CSNK1G3: variants seen among roughly 807,000 people sequenced by gnomAD.
CSNK1G3 encodes casein kinase 1 gamma 3.
CSNK1G3 carries 23 observed loss-of-function variants against 64.3 expected under a neutral mutation model. The observed-to-expected ratio is 0.36, with a 90% CI of 0.26 to 0.51. The LOEUF (loss-of-function observed/expected upper bound fraction) is 0.51, where lower values mean the gene tolerates loss of function less well. Ranked by LOEUF, CSNK1G3 falls within the 20% of genes least tolerant of loss-of-function variation. CSNK1G3 has a pLI of 0.96. For missense variants in CSNK1G3, 357 were observed against 510.5 expected, an observed-to-expected ratio of 0.70 and a Z score of 2.90; for synonymous variants, 158 against 162.2, an observed-to-expected ratio of 0.97 and a Z score of 0.20.
chr5:123,583,366 T>G (rs1359043861), intron 6 of CSNK1G3, among the ~76,000 whole-genome samples: 10 of 151,920 alleles, frequency 6.6e-5, no homozygotes, highest in African/African-American at 1.2e-4. Context: ...CCAGTTTTTT[T>G]TTTTTTTTTT....
At chr5:123,582,721 A>G (rs1790532945) in intron 6 of CSNK1G3, among the ~76,000 whole-genome samples, 1 of 152,140 alleles carries the variant, frequency 6.6e-6, no homozygotes, top group Non-Finnish European at 1.5e-5. Context: ...AAGTGCTTTA[A>G]AAAATGTGAA....
intron 5 of CSNK1G3, 152 bp downstream of exon 5, chr5:123,573,693 C>A: frequency 1.7e-6 from 1 of 593,722 alleles, no homozygotes; most frequent in Non-Finnish European, 2.7e-6. Flanking sequence ...TTTCTGGGAT[C>A]CATGTAACTT....
At chr5:123,558,043 G>C (rs917890936) in intron 4 of CSNK1G3, among the ~76,000 whole-genome samples, 5 of 152,156 alleles carry the variant, frequency 3.3e-5, no homozygotes, top group African/African-American at 9.7e-5. Flanking sequence ...TACACACACA[G>C]AAAAGGAGTA....
rs1462097781 is a variant in CSNK1G3 at position 123,597,899 on chromosome 5, G to A, written c.1086+6485G>A. On this transcript the variant is annotated intron_variant, in intron 10 of 12. Transcript: ENST00000345990. The stretch of plus-strand genomic sequence containing the variant: ...TAGCATAGATGTTGAGGCTTAGGAA[G>A]TGTTAGATAAGTAGAATCTATTGTT... Among the ~76,000 whole-genome samples the A allele has an allele frequency of 5.9e-5, 9 of 152,190 alleles. 1 individual carries two copies.
chr5:123,537,523 T>C (rs1362085014), intron 1 of CSNK1G3, among the ~76,000 whole-genome samples: 1 of 152,136 alleles, frequency 6.6e-6, no homozygotes, highest in Non-Finnish European at 1.5e-5. Flanking sequence ...GTTGACCATA[T>C]GCAATCTATG....
At chr5:123,588,289 C>A in intron 7 of CSNK1G3, 136 bp downstream of exon 7, 1 of 1,015,302 alleles carries the variant, frequency 9.8e-7, no homozygotes, top group Non-Finnish European at 1.5e-6. Flanking sequence ...GTTGCCCAGG[C>A]TGGTCTCAAA....
At chr5:123,616,312 A>T (rs1304258605) in exon 13 of CSNK1G3, 1 of 152,684 alleles carries the variant, frequency 6.5e-6, no homozygotes, top group South Asian at 2.1e-4. Flanking sequence ...TGTGTCTATG[A>T]TATTTGTAAA....
At chr5:123,583,104 C>G (rs901411248) in intron 6 of CSNK1G3, among the ~76,000 whole-genome samples, 3 of 152,102 alleles carry the variant, frequency 2.0e-5, no homozygotes, top group African/African-American at 7.2e-5. Context: ...CTAAAGCTTC[C>G]CCTTGGATAG....
chr5:123,547,114 A>T (rs1355515773), intron 2 of CSNK1G3, among the ~76,000 whole-genome samples: 1 of 152,136 alleles, frequency 6.6e-6, no homozygotes, highest in East Asian at 1.9e-4. Context: ...CTTATTACAT[A>T]TTTATCATGT....
chr5:123,524,460 A>G (rs1778687591), intron 1 of CSNK1G3, among the ~76,000 whole-genome samples: 1 of 152,188 alleles, frequency 6.6e-6, no homozygotes, highest in Admixed American at 6.5e-5. Context: ...TTTTAATAAT[A>G]GAAAGAAGCA....
At chr5:123,605,106 T>C (rs569495750) in intron 11 of CSNK1G3, among the ~76,000 whole-genome samples, 1 of 152,234 alleles carries the variant, frequency 6.6e-6, no homozygotes, top group South Asian at 2.1e-4. Context: ...GGAGTGTTGA[T>C]GCATGAAAGT....
intron 1 of CSNK1G3, among the ~76,000 whole-genome samples, chr5:123,516,663 C>T (rs973179986): frequency 1.3e-5 from 2 of 151,934 alleles, no homozygotes; most frequent in Admixed American, 6.5e-5. Context: ...CTTTTTTGGT[C>T]GCTTTGTTTA....
chr5:123,514,230 G>A (rs1776744406), intron 1 of CSNK1G3, among the ~76,000 whole-genome samples: 1 of 152,118 alleles, frequency 6.6e-6, no homozygotes, highest in South Asian at 2.1e-4. Context: ...CTTGAGAAAC[G>A]ATTGTCTTTA....
intron 4 of CSNK1G3, among the ~76,000 whole-genome samples, chr5:123,569,665 T>A (rs1047241137): frequency 2.0e-5 from 3 of 152,222 alleles, no homozygotes; most frequent in Admixed American, 6.5e-5. Flanking sequence ...TTCAAATTGC[T>A]TGAAAGCTTT....
At chr5:123,573,439 T>C in exon 5 of CSNK1G3, 1 of 1,614,058 alleles carries the variant, frequency 6.2e-7, no homozygotes, top group Non-Finnish European at 8.5e-7. Flanking sequence ...GTAAATACAA[T>C]GCTATGGTGC....
intron 10 of CSNK1G3, among the ~76,000 whole-genome samples, chr5:123,592,207 A>T (rs749115182): frequency 1.3e-5 from 2 of 152,054 alleles, no homozygotes; most frequent in Non-Finnish European, 2.9e-5. Flanking sequence ...AAATGAAGAT[A>T]AGGGCATTTT....
intron 10 of CSNK1G3, among the ~76,000 whole-genome samples, chr5:123,599,115 A>C (rs150652923): frequency 2.6e-5 from 4 of 152,218 alleles, no homozygotes; most frequent in African/African-American, 7.2e-5. Context: ...CTGTAGCACA[A>C]ATCCATCGAG....
intron 6 of CSNK1G3, among the ~76,000 whole-genome samples, chr5:123,581,507 T>C (rs965096752): frequency 1.1e-4 from 17 of 151,694 alleles, no homozygotes; most frequent in Non-Finnish European, 2.5e-4. Context: ...ACAAGAATTA[T>C]GTCTAAATTA....
At chr5:123,549,650 C>T (rs1783257718) in intron 2 of CSNK1G3, among the ~76,000 whole-genome samples, 1 of 152,216 alleles carries the variant, frequency 6.6e-6, no homozygotes, top group Non-Finnish European at 1.5e-5. Flanking sequence ...GGCCTAGGCA[C>T]TCCGCTTGCT....
Sources: gnomAD v4.1 joint callset for allele counts (sites outside exome capture counted in the v4.1 genomes callset) on GRCh38, gnomAD v4.1.1 for gene constraint, MANE v1.5 for transcripts, NCBI Gene and HGNC (gene_info 2026-07-23, HGNC 2026-07-21) for gene names.